Variants in SCFD2 observed in about 807,000 individuals in gnomAD.
The protein encoded by SCFD2 is sec1 family domain containing 2, also known as sec1 family domain-containing protein 2.
Under a neutral mutation model 58.9 loss-of-function variants are expected in SCFD2, and 54 were observed. The observed-to-expected ratio is 0.92, with a 90% CI of 0.74 to 1.15. The LOEUF (loss-of-function observed/expected upper bound fraction) is 1.15. Ranked by LOEUF, SCFD2 falls within the 50% of genes most tolerant of loss-of-function variation. The probability of loss-of-function intolerance (pLI) is 0.00; values close to 1 mark genes in which losing one functional copy is unlikely to be tolerated. For synonymous variants in SCFD2, 321 were observed against 335.9 expected (o/e 0.96, Z 0.49); for missense variants, 805 against 836.6 (o/e 0.96, Z 0.47).
chr4:53,286,116 AC>A (rs1420144987), intron 3 of SCFD2, among the ~76,000 whole-genome samples: 1 of 152,010 alleles, frequency 6.6e-6, no homozygotes, highest in Non-Finnish European at 1.5e-5. Context: ...CCCTAGCCAA[AC>A]CACTGAAGCT....
At chr4:53,360,037 A>G (rs1361777879) in intron 1 of SCFD2, among the ~76,000 whole-genome samples, 2 of 152,226 alleles carry the variant, frequency 1.3e-5, no homozygotes, top group African/African-American at 4.8e-5. Flanking sequence ...TATTGCCTCC[A>G]CTGGACAACA....
intron 5 of SCFD2, among the ~76,000 whole-genome samples, chr4:53,020,625 T>C (rs1276110173): frequency 2.0e-5 from 3 of 152,150 alleles, no homozygotes; most frequent in Admixed American, 1.3e-4. Context: ...AGAGACTAGA[T>C]AGCTGTTCAG....
At chr4:53,261,091 T>G (rs1730815132) in intron 4 of SCFD2, among the ~76,000 whole-genome samples, 1 of 152,214 alleles carries the variant, frequency 6.6e-6, no homozygotes, top group Non-Finnish European at 1.5e-5. Context: ...CATTTCTAAT[T>G]GAGCTTATTT....
At chr4:53,064,501 A>G (rs1723602156) in intron 5 of SCFD2, among the ~76,000 whole-genome samples, 1 of 152,158 alleles carries the variant, frequency 6.6e-6, no homozygotes, top group Non-Finnish European at 1.5e-5. Context: ...CCTCATTTTC[A>G]AAACTACAGG....
At position 53,126,518 on chromosome 4, in the gene SCFD2, G is replaced by T. The variant is rs937668726; in HGVS notation, c.1561+18815C>A. ...TTTAGTAGAGACAGGGTTTTGCCAT[G>T]TTGGCCAGGCTGGCCTCCAACTCCT... On this transcript the variant is annotated intron_variant, in intron 5 of 8. Coordinates refer to ENST00000401642, the MANE Select transcript of SCFD2 (RefSeq NM_152540.4). 2.6e-5 allele frequency among the ~76,000 whole-genome samples: 4 copies of T among 152,172 alleles called. No homozygotes were observed. The South Asian group carries it at 6.2e-4, about 24-fold the overall frequency.
intron 4 of SCFD2, among the ~76,000 whole-genome samples, chr4:53,232,857 G>T (rs555475039): frequency 6.6e-6 from 1 of 152,162 alleles, no homozygotes; most frequent in Non-Finnish European, 1.5e-5. Flanking sequence ...CACTTCTGCT[G>T]TGAGTCCTTT....
At chr4:52,958,980 G>A (rs1720778232) in intron 5 of SCFD2, among the ~76,000 whole-genome samples, 1 of 152,076 alleles carries the variant, frequency 6.6e-6, no homozygotes, top group Admixed American at 6.6e-5. Flanking sequence ...AATAACTCTT[G>A]ACAATTGGTA....
chr4:53,083,065 G>A (rs560302329), intron 5 of SCFD2, among the ~76,000 whole-genome samples: 49 of 152,226 alleles, frequency 3.2e-4, no homozygotes, highest in African/African-American at 1.2e-3. Context: ...GGTACTGGGA[G>A]TGGGGTGCTA....
rs56014547 is a variant in SCFD2, at chr4:52,904,090, C to T, written c.1842+3367G>A. ...CTGCTGGCTCTCTTTCCCAGCACAT[C>T]TCTCACCAGCCTCTCAATCTGCCCT... On this transcript the variant is annotated intron_variant, in intron 7 of 8. Transcript: ENST00000401642. 7.9e-3 allele frequency among the ~76,000 whole-genome samples: 1,198 copies of T among 152,344 alleles called. 10 individuals carry two copies. Among genetic ancestry groups the T allele is most frequent in the Admixed American group, 0.015 (224 of 15,310 alleles).
intron 8 of SCFD2, among the ~76,000 whole-genome samples, chr4:52,876,617 G>A (rs1225570436): frequency 6.6e-6 from 1 of 151,940 alleles, no homozygotes; most frequent in African/African-American, 2.4e-5. Flanking sequence ...GCGCGTGGCG[G>A]TGCATGCCTG....
At chr4:52,994,728 C>A (rs539008395) in intron 5 of SCFD2, among the ~76,000 whole-genome samples, 41 of 152,318 alleles carry the variant, frequency 2.7e-4, no homozygotes, top group African/African-American at 9.9e-4. Flanking sequence ...TAGACAGACA[C>A]TGACATAGTT....
chr4:53,121,937 T>A (rs1725490439), intron 5 of SCFD2, among the ~76,000 whole-genome samples: 1 of 152,182 alleles, frequency 6.6e-6, no homozygotes, highest in African/African-American at 2.4e-5. Flanking sequence ...TTTCTTGTTT[T>A]TTTTCCCCCA....
At position 53,191,318 on chromosome 4, in the gene SCFD2, T is replaced by G. The variant is rs188358603; in HGVS notation, c.1312-45736A>C. On this transcript the variant is annotated intron_variant, in intron 4 of 8. Transcript: ENST00000401642. ...AGACTCTATCTCAAAAAATAAGAAA[T>G]AAATAAACAAACGAACATAACATTT... 1.3e-4 allele frequency among the ~76,000 whole-genome samples: 20 copies of G among 151,976 alleles called. No homozygotes were observed. The East Asian group carries it at 3.9e-3, about 29-fold the overall frequency.
At chr4:53,179,356 A>T (rs1406583241) in intron 4 of SCFD2, among the ~76,000 whole-genome samples, 1 of 151,930 alleles carries the variant, frequency 6.6e-6, no homozygotes, top group Non-Finnish European at 1.5e-5. Flanking sequence ...CAACATTCTT[A>T]AAAAAAAGAA....
Position 53,110,041 on chromosome 4 carries a change from G to GGAACAGAACAGAACAGAACA in SCFD2, c.1561+35272_1561+35291dup, listed in dbSNP as rs56074725. On this transcript the variant is annotated intron_variant, in intron 5 of 8. Transcript: ENST00000401642. ...TACCAAAACAGATATACAGACCAATGGAACAGAACAGAACAGAACAGAACA... is the reference window on the plus strand; with the variant it reads ...TACCAAAACAGATATACAGACCAATGGAACAGAACAGAACAGAACAGAACAGAACAGAACAGAACAGAACA... Among the ~76,000 whole-genome samples, 707 of 151,270 alleles carry GGAACAGAACAGAACAGAACA rather than the reference G, an allele frequency of 4.7e-3. 3 individuals carry two copies. Among genetic ancestry groups the GGAACAGAACAGAACAGAACA allele is most frequent in the Middle Eastern group, 0.01 (3 of 292 alleles).
At chr4:53,348,840 G>A (rs747838123) in intron 2 of SCFD2, among the ~76,000 whole-genome samples, 4 of 151,122 alleles carry the variant, frequency 2.6e-5, no homozygotes, top group Non-Finnish European at 4.4e-5. Flanking sequence ...TCAACCTCCC[G>A]AGTAGCTGGG....
intron 4 of SCFD2, among the ~76,000 whole-genome samples, chr4:53,162,818 G>C (rs981835352): frequency 6.6e-6 from 1 of 151,350 alleles, no homozygotes; most frequent in African/African-American, 2.4e-5. Flanking sequence ...CCTGCACATT[G>C]CGCACATGTA....
At chr4:53,214,390 T>C (rs1577849994) in intron 4 of SCFD2, among the ~76,000 whole-genome samples, 1 of 152,166 alleles carries the variant, frequency 6.6e-6, no homozygotes, top group East Asian at 1.9e-4. Context: ...TTGATTTGCA[T>C]TTCTCTGATG....
At chr4:53,293,719 G>A (rs898150934) in intron 3 of SCFD2, among the ~76,000 whole-genome samples, 7 of 152,036 alleles carry the variant, frequency 4.6e-5, no homozygotes, top group African/African-American at 1.7e-4. Context: ...CTGGTATATG[G>A]CAGGAATGCT....
Sources: allele counts gnomAD v4.1 joint callset (sites outside exome capture counted in the v4.1 genomes callset), GRCh38; gene constraint gnomAD v4.1.1; transcripts MANE v1.5; gene names NCBI Gene and HGNC (gene_info 2026-07-23, HGNC 2026-07-21).